Variants in SYNE1 observed in about 807,000 individuals in gnomAD.
SYNE1 encodes the protein spectrin repeat containing nuclear envelope protein 1, also known as nesprin-1.
In SYNE1, 616 loss-of-function variants were observed where a neutral mutation model predicts 1,111.0. That is an observed-to-expected ratio of 0.55 (90% CI 0.52 to 0.59). SYNE1 has a LOEUF of 0.59. Ranked by LOEUF, SYNE1 falls within the 20% of genes least tolerant of loss-of-function variation. The pLI is 0.00. For missense variants in SYNE1, 10,006 were observed against 10,417.0 expected (o/e 0.96, Z 1.72); for synonymous variants, 3,855 against 3,825.8 (o/e 1.01, Z -0.28).
At chr6:152,334,938 A>G (rs2096347257) in intron 76 of SYNE1, among the ~76,000 whole-genome samples, 1 of 152,220 alleles carries the variant, frequency 6.6e-6, no homozygotes, top group East Asian at 1.9e-4. Context: ...AGCTTGGGTC[A>G]CCAGGTGGGC....
intron 101 of SYNE1, among the ~76,000 whole-genome samples, chr6:152,259,072 C>T (rs1204469233): frequency 1.3e-5 from 2 of 152,052 alleles, no homozygotes; most frequent in African/African-American, 2.4e-5. Flanking sequence ...TTTCAAAATA[C>T]CTCCTCACCT....
In SYNE1 at chr6:152,353,278, T is replaced by C. The variant is rs149393972; in HGVS notation, c.11238A>G (p.Lys3746=). The C allele has an allele frequency of 5.9e-4, 946 of 1,614,212 alleles. 10 individuals are homozygous for C. The South Asian group carries it at 9.8e-3, about 17-fold the overall frequency. ...GCGTGCCTACCTCCAACGTCTTCAA[T>C]TTCTTCCCCATCATTACTGTATCTA... is the stretch of plus-strand genomic sequence containing the variant. ...DKVDTVMMGK[K]LKTLEVLLKD... Residue 3746 remains lysine, a synonymous_variant, in exon 69 of 146, where the codon AAA becomes AAG. Coordinates refer to ENST00000367255, the MANE Select transcript of SYNE1 (RefSeq NM_182961.4).
chr6:152,154,289 T>A (rs2060953718), intron 133 of SYNE1, among the ~76,000 whole-genome samples: 1 of 152,206 alleles, frequency 6.6e-6, no homozygotes, highest in Non-Finnish European at 1.5e-5. Context: ...GGATAACTTC[T>A]TTCTTTATGA....
At position 152,179,673 on chromosome 6, in the gene SYNE1, C is replaced by CTTTTTTTTTTTTTTT. The variant is rs796260764; in HGVS notation, c.23460+448_23460+462dup. The stretch of plus-strand genomic sequence containing the variant: ...GCAAGTTTATTTTATGCTGGATATC[C>CTTTTTTTTTTTTTTT]TTTTTTTTTTTTTTTTTTTTTTTTT... On this transcript the variant is annotated intron_variant, in intron 129 of 145. Coordinates refer to ENST00000367255, the MANE Select transcript of SYNE1 (RefSeq NM_182961.4). Among the ~76,000 whole-genome samples, 11 of 55,104 alleles carry CTTTTTTTTTTTTTTT rather than the reference C, an allele frequency of 2.0e-4. 3 individuals carry two copies. Among genetic ancestry groups the CTTTTTTTTTTTTTTT allele is most frequent in the East Asian group, 6.9e-4 (1 of 1,450 alleles). 36.2% of individuals were successfully genotyped at this position (55,104 alleles called of 152,430 possible). A position where few individuals can be genotyped will look rare whatever the true frequency, so the allele number is the denominator to read the frequency against.
intron 115 of SYNE1, among the ~76,000 whole-genome samples, chr6:152,230,177 G>A (rs2082452928): frequency 6.6e-6 from 1 of 151,972 alleles, no homozygotes; most frequent in South Asian, 2.1e-4. Context: ...GGACTACAGG[G>A]ACAAGCACCA....
chr6:152,350,822 G>C (rs1394785940), intron 70 of SYNE1, 52 bp from the exon 71 acceptor site: 1 of 1,603,906 alleles, frequency 6.2e-7, no homozygotes, highest in African/African-American at 1.3e-5. Flanking sequence ...TGGACAAGAT[G>C]AATACATACA....
intron 135 of SYNE1, among the ~76,000 whole-genome samples, chr6:152,150,096 T>C (rs2060148333): frequency 6.6e-6 from 1 of 152,246 alleles, no homozygotes; most frequent in Middle Eastern, 3.2e-3. Flanking sequence ...CCTCATCCTA[T>C]GTCAAACATG....
intron 6 of SYNE1, among the ~76,000 whole-genome samples, chr6:152,512,318 T>C (rs1206586005): frequency 6.6e-6 from 1 of 152,146 alleles, no homozygotes; most frequent in Admixed American, 6.6e-5. Context: ...CAAACTTGTA[T>C]ATCTACTTCC....
intron 32 of SYNE1, among the ~76,000 whole-genome samples, chr6:152,438,746 C>G (rs974474682): frequency 1.3e-5 from 2 of 152,210 alleles, no homozygotes; most frequent in African/African-American, 4.8e-5. Context: ...CTTAGCATAA[C>G]CATTCCTTAG....
Position 152,612,350 on chromosome 6 carries a change from CAG to C in SYNE1, c.67+15913_67+15914del, listed in dbSNP as rs2099633718. Among the ~76,000 whole-genome samples, 5 of 152,214 alleles carry C rather than the reference CAG, an allele frequency of 3.3e-5. No individual in the cohort carries two copies. In the South Asian group the frequency reaches 1.0e-3, roughly 32 times the overall value. On this transcript the variant is annotated intron_variant, in intron 3 of 145. Transcript: ENST00000367255. ...ATCCCACAGAAATACAAACTATAAT[CAG>C]AGAATACTATAAACACCTCTATGCA...
chr6:152,546,954 G>C (rs538454998), intron 3 of SYNE1: 1 of 151,830 alleles, frequency 6.6e-6, no homozygotes, highest in Non-Finnish European at 1.5e-5. Context: ...TAAAAATACA[G>C]CTAAAAGAAA....
In SYNE1 at chr6:152,156,036, T is replaced by G; in HGVS notation, c.23852A>C (p.Glu7951Ala). ...TGVASVLNLC[E>A]VLLHDCDACA... ...GGCGTCACAGTCGTGCAGCAGGACT[T>G]CACACAGGTTGAGGACAGATGCAAC... The change falls in exon 132 of 146, where the codon GAA becomes GCA. Residue 7951 changes from glutamate (E) to alanine (A), a missense_variant. Glu to Ala is a moderately radical substitution (Grantham distance 107, BLOSUM62 -1). This residue lies in a region of SYNE1 where 2,182 missense variants were observed against 2,287.8 expected (regional missense o/e 0.95). Coordinates refer to ENST00000367255, the MANE Select transcript of SYNE1 (RefSeq NM_182961.4). The G allele has an allele frequency of 6.2e-7, 1 of 1,614,174 alleles. No individual in the cohort carries two copies. The highest frequency in any genetic ancestry group is 8.5e-7 in the Non-Finnish European group (1 of 1,180,020).
chr6:152,388,581 G>A (rs1282343983), intron 53 of SYNE1, among the ~76,000 whole-genome samples: 2 of 152,186 alleles, frequency 1.3e-5, no homozygotes, highest in African/African-American at 4.8e-5. Flanking sequence ...TTACAGGCAT[G>A]AGCCAAGACT....
intron 3 of SYNE1, among the ~76,000 whole-genome samples, chr6:152,581,976 GC>G (rs1489331659): frequency 6.6e-6 from 1 of 151,720 alleles, no homozygotes; most frequent in African/African-American, 2.4e-5. Flanking sequence ...TGCCTAGCAG[GC>G]TTTTTGCTCT....
At chr6:152,458,986 A>C in intron 21 of SYNE1, 56 bp from the exon 22 acceptor site, 4 of 1,508,456 alleles carry the variant, frequency 2.7e-6, no homozygotes, top group African/African-American at 1.4e-5. Context: ...CCACTAGCTC[A>C]GGGAACGTTC....
intron 28 of SYNE1, among the ~76,000 whole-genome samples, chr6:152,448,541 T>C (rs1338681303): frequency 6.6e-6 from 1 of 152,148 alleles, no homozygotes; most frequent in Non-Finnish European, 1.5e-5. Flanking sequence ...GATTGTATAA[T>C]TTAATTGAAA....
chr6:152,253,031 A>C (rs1415218845), intron 104 of SYNE1, among the ~76,000 whole-genome samples: 1 of 152,154 alleles, frequency 6.6e-6, no homozygotes, highest in Non-Finnish European at 1.5e-5. Context: ...GGGGATTCTG[A>C]CTTGATCATC....
Position 152,236,947 on chromosome 6 carries a change from G to T in SYNE1, c.20069C>A (p.Thr6690Lys). The change falls in exon 109 of 146, where the codon ACG becomes AAG. Residue 6690 changes from threonine (T) to lysine (K), a missense_variant and splice_region_variant. Transcript: ENST00000367255. ...CTGGTCCTCATCCAGATGGGACCAC[G>T]TCTAGAAACACAACATGAGTCTGTG... ...RGVELEYILETWSHLDEDQQE... is the reference protein window; with the variant it reads ...RGVELEYILEKWSHLDEDQQE... 6.2e-7 allele frequency: 1 copy of T among 1,613,716 alleles called. No individual in the cohort carries two copies. Among genetic ancestry groups the T allele is most frequent in the South Asian group, 1.1e-5 (1 of 91,022 alleles).
chr6:152,349,185 A>G (rs1324094839), intron 72 of SYNE1, among the ~76,000 whole-genome samples: 1 of 152,270 alleles, frequency 6.6e-6, no homozygotes, highest in African/African-American at 2.4e-5. Context: ...CAGTTGCTCC[A>G]TGAAATTGTG....
Sources: allele counts gnomAD v4.1 joint callset (sites outside exome capture counted in the v4.1 genomes callset), GRCh38; gene constraint gnomAD v4.1.1; regional missense constraint gnomAD v4.1.1; transcripts MANE v1.5; gene names NCBI Gene and HGNC (gene_info 2026-07-23, HGNC 2026-07-21).